The following FTCDNL1 variants were observed in gnomAD, a reference collection of about 807,000 sequenced individuals.
FTCDNL1 encodes the protein formiminotransferase N-terminal subdomain-containing protein.
FTCDNL1 carries 11 observed loss-of-function variants against 5.9 expected under a neutral mutation model. That is an observed-to-expected ratio of 1.87 (90% CI 1.18 to 3.10). The LOEUF (loss-of-function observed/expected upper bound fraction) is 3.10, where lower values mean the gene tolerates loss of function less well. Among genes scored for constraint, FTCDNL1 ranks in the 30% most tolerant of loss-of-function variants. FTCDNL1 has a pLI of 0.00. For synonymous variants in FTCDNL1, 58 were observed against 24.8 expected (o/e 2.34, Z -3.99); for missense variants, 115 against 65.5 (o/e 1.76, Z -2.61).
At position 199,810,289 on chromosome 2, in the gene FTCDNL1, T is replaced by C. The variant is rs184900913; in HGVS notation, c.*2416A>G. Among the ~76,000 whole-genome samples the C allele has an allele frequency of 2.1e-4, 32 of 152,218 alleles. No individual in the cohort carries two copies. Among genetic ancestry groups the C allele is most frequent in the Non-Finnish European group, 4.6e-4 (31 of 68,000 alleles). On this transcript the variant is annotated 3_prime_UTR_variant, in exon 5 of 5. Transcript: ENST00000420128. Reference sequence around the variant, plus strand: ...ATTATTGAATTAGGTTAATATCAGATTAAAATGAATCTCAAAACCAGTCTT... The same window carrying C: ...ATTATTGAATTAGGTTAATATCAGACTAAAATGAATCTCAAAACCAGTCTT...
chr2:199,786,997 T>C (rs943050006), intron 3 of FTCDNL1, among the ~76,000 whole-genome samples: 1 of 152,162 alleles, frequency 6.6e-6, no homozygotes, highest in Non-Finnish European at 1.5e-5. Flanking sequence ...TCCCTGGCTT[T>C]TGGCCTCTGC....
chr2:199,780,393 G>T (rs573643253), intron 3 of FTCDNL1, among the ~76,000 whole-genome samples: 35 of 152,268 alleles, frequency 2.3e-4, no homozygotes, highest in African/African-American at 8.2e-4. Context: ...ATGGGAATCT[G>T]GCAGCACCCC....
chr2:199,746,844 A>G, the FTCDNL1 span, among the ~76,000 whole-genome samples: 1 of 152,004 alleles, frequency 6.6e-6, no homozygotes, highest in Admixed American at 6.6e-5. Flanking sequence ...TAAAGATGAG[A>G]GAATGTTCCT....
intron 3 of FTCDNL1, among the ~76,000 whole-genome samples, chr2:199,834,770 C>G (rs1405982915): frequency 6.6e-6 from 1 of 152,220 alleles, no homozygotes; most frequent in Non-Finnish European, 1.5e-5. Context: ...ACTCTTATTT[C>G]CCTGAGGGGA....
At chr2:199,761,577 T>C (rs987551873) in intron 3 of FTCDNL1, among the ~76,000 whole-genome samples, 3 of 152,218 alleles carry the variant, frequency 2.0e-5, no homozygotes, top group African/African-American at 7.2e-5. Flanking sequence ...GAGGAAAACC[T>C]GATGCTCAAT....
chr2:199,720,277 A>G, the FTCDNL1 span, among the ~76,000 whole-genome samples: 22 of 152,276 alleles, frequency 1.4e-4, no homozygotes, highest in South Asian at 4.3e-3. Flanking sequence ...GTATGACCCT[A>G]TTGAAGCTGT....
intron 1 of FTCDNL1, among the ~76,000 whole-genome samples, 177 bp downstream of exon 1, chr2:199,850,563 G>C (rs1277301988): frequency 6.6e-6 from 1 of 152,182 alleles, no homozygotes; most frequent in Non-Finnish European, 1.5e-5. Flanking sequence ...TGACCCAAAC[G>C]CAAGCCCCCC....
chr2:199,701,325 AAAAAAAAAAAAAAAAAAAAAAAAAAAACC>A, the FTCDNL1 span, among the ~76,000 whole-genome samples: 4 of 7,260 alleles, frequency 5.5e-4, no homozygotes, highest in Non-Finnish European at 1.0e-3. Context: ...AAAAAAAAAA[AAAAAAAAAAAAAAAAAAAAAAAAAAAACC>A]ACCGCATGCT....
the FTCDNL1 span, among the ~76,000 whole-genome samples, chr2:199,731,854 C>T: frequency 7.3e-5 from 11 of 151,058 alleles, no homozygotes; most frequent in Non-Finnish European, 1.3e-4. Context: ...CGCCACTGCA[C>T]TCCAGCCTGG....
Position 199,810,958 on chromosome 2 carries a change from C to A in FTCDNL1, c.*1747G>T, listed in dbSNP as rs1170171676. Among the ~76,000 whole-genome samples the A allele has an allele frequency of 6.6e-6, 1 of 152,116 alleles. No homozygotes were observed. The highest frequency in any genetic ancestry group is 6.5e-5 in the Admixed American group (1 of 15,278). On this transcript the variant is annotated 3_prime_UTR_variant, in exon 5 of 5. Transcript: ENST00000420128. ...TACGATGGTTTGGGGGCTTTGTTGCCTAGCCTGGCTACTCTCATACTAATA... is the reference window on the plus strand; with the variant it reads ...TACGATGGTTTGGGGGCTTTGTTGCATAGCCTGGCTACTCTCATACTAATA...
chr2:199,842,896 G>A (rs2076628437), intron 3 of FTCDNL1, among the ~76,000 whole-genome samples: 1 of 149,942 alleles, frequency 6.7e-6, no homozygotes, highest in Admixed American at 6.7e-5. Flanking sequence ...ATCCTAGAAT[G>A]CGAATACTTC....
intron 3 of FTCDNL1, among the ~76,000 whole-genome samples, chr2:199,838,445 T>C (rs947174189): frequency 6.6e-6 from 1 of 152,100 alleles, no homozygotes; most frequent in Non-Finnish European, 1.5e-5. Context: ...AAAAATGGTA[T>C]AAAGAAATTT....
At chr2:199,703,455 T>C in the FTCDNL1 span, among the ~76,000 whole-genome samples, 1 of 152,230 alleles carries the variant, frequency 6.6e-6, no homozygotes, top group East Asian at 1.9e-4. Flanking sequence ...TTGATTGACA[T>C]TGAAATCGCA....
At chr2:199,787,393 A>T (rs994430095) in intron 3 of FTCDNL1, among the ~76,000 whole-genome samples, 2 of 152,092 alleles carry the variant, frequency 1.3e-5, no homozygotes, top group African/African-American at 4.8e-5. Flanking sequence ...CATGATGGCC[A>T]GGCTGGTCTC....
the FTCDNL1 span, among the ~76,000 whole-genome samples, chr2:199,727,362 A>C: frequency 6.6e-6 from 1 of 152,264 alleles, no homozygotes; most frequent in African/African-American, 2.4e-5. Context: ...GGCCACCAAG[A>C]GTCTGCACAG....
chr2:199,761,605 G>A (rs1010951646), intron 3 of FTCDNL1, among the ~76,000 whole-genome samples: 1 of 152,134 alleles, frequency 6.6e-6, no homozygotes, highest in Non-Finnish European at 1.5e-5. Flanking sequence ...GCTGTGCTAT[G>A]AGCCTAACCC....
chr2:199,771,455 T>C (rs1010991217), intron 3 of FTCDNL1, among the ~76,000 whole-genome samples: 7 of 152,214 alleles, frequency 4.6e-5, no homozygotes, highest in African/African-American at 1.7e-4. Context: ...TTTTGCTTCT[T>C]GAACCATAAA....
At chr2:199,795,990 G>A (rs1459520511) in intron 3 of FTCDNL1, among the ~76,000 whole-genome samples, 1 of 152,016 alleles carries the variant, frequency 6.6e-6, no homozygotes, top group Non-Finnish European at 1.5e-5. Flanking sequence ...GATGATCTTT[G>A]CTATGTGGAA....
intron 3 of FTCDNL1, chr2:199,844,379 C>A: frequency 1.8e-6 from 1 of 553,608 alleles, no homozygotes; most frequent in Non-Finnish European, 3.3e-6. Context: ...CTTTCTCTTA[C>A]TTCTGGCCAC....
Sources: allele counts gnomAD v4.1 joint callset (sites outside exome capture counted in the v4.1 genomes callset), GRCh38; gene constraint gnomAD v4.1.1; transcripts MANE v1.5; gene names NCBI Gene and HGNC (gene_info 2026-07-23, HGNC 2026-07-21).